The following WWP2 variants were observed in gnomAD, a reference collection of about 807,000 sequenced individuals.
The protein encoded by WWP2 is WW domain containing E3 ubiquitin protein ligase 2.
A neutral mutation model predicts 121.0 loss-of-function variants in WWP2; 57 were observed. The ratio of observed to expected loss-of-function variants is 0.47; its 90% CI spans 0.38 to 0.59. The LOEUF is 0.59. Ranked by LOEUF, WWP2 falls within the 20% of genes least tolerant of loss-of-function variation. WWP2 has a pLI of 0.00. For missense variants in WWP2, 962 were observed against 1,158.9 expected, an observed-to-expected ratio of 0.83 and a Z score of 2.47; for synonymous variants, 449 against 441.3, an observed-to-expected ratio of 1.02 and a Z score of -0.22.
chr16:69,932,251 C>G (rs1450911598), intron 16 of WWP2, among the ~76,000 whole-genome samples: 1 of 152,234 alleles, frequency 6.6e-6, no homozygotes, highest in Non-Finnish European at 1.5e-5. Context: ...ATCGCTTGAA[C>G]CTGGGAGGCA....
At chr16:69,936,574 T>C in intron 19 of WWP2, 122 bp downstream of exon 19, 1 of 1,402,846 alleles carries the variant, frequency 7.1e-7, no homozygotes, top group African/African-American at 1.4e-5. Context: ...GCATTTGCCT[T>C]GATGGTGGCT....
At chr16:69,923,098 C>G (rs1467169238) in intron 10 of WWP2, among the ~76,000 whole-genome samples, 2 of 152,084 alleles carry the variant, frequency 1.3e-5, no homozygotes, top group Admixed American at 1.3e-4. Context: ...CCATGTTGGC[C>G]AGGCTGGTCT....
chr16:69,925,289 A>G lies in WWP2; in HGVS notation c.1180-141A>G. 6 of 1,480,428 alleles carry G rather than the reference A, an allele frequency of 4.1e-6. No homozygotes were observed. Among genetic ancestry groups the G allele is most frequent in the Non-Finnish European group, 5.4e-6 (6 of 1,113,748 alleles). 91.7% of individuals were successfully genotyped at this position (1,480,428 alleles called of 1,614,324 possible). ...GAGACTTTTGAGAGGAGCAGATGCC[A>G]CCTAAAGTCCCACTGCATTCCCTGC... On this transcript the variant is annotated intron_variant, in intron 10 of 23. Coordinates refer to ENST00000359154, the MANE Select transcript of WWP2 (RefSeq NM_001270454.2). This position sits in a 1 kb window ranked among gnomAD's most constrained non-coding sequence, Gnocchi z 4.0.
Position 69,868,667 on chromosome 16 carries a change from A to G in WWP2, c.576-3137A>G, listed in dbSNP as rs1287002310. On this transcript the variant is annotated intron_variant, in intron 6 of 23. Transcript: ENST00000359154. The stretch of plus-strand genomic sequence containing the variant: ...CCTCAACACATACACATGTGCACAC[A>G]CACACACACACACACACACACACAC... 9.2e-3 allele frequency among the ~76,000 whole-genome samples: 327 copies of G among 35,478 alleles called. 2 individuals are homozygous for G. The highest frequency in any genetic ancestry group is 0.034 in the African/African-American group (316 of 9,402). 23.3% of individuals were successfully genotyped at this position (35,478 alleles called of 152,430 possible). A position where few individuals can be genotyped will look rare whatever the true frequency, so the allele number is the denominator to read the frequency against.
Position 69,869,758 on chromosome 16 carries a change from C to T in WWP2, c.576-2046C>T, listed in dbSNP as rs576941005. Among the ~76,000 whole-genome samples, 6 of 152,190 alleles carry T rather than the reference C, an allele frequency of 3.9e-5. No individual in the cohort carries two copies. The East Asian group carries it at 5.8e-4, about 15-fold the overall frequency. On this transcript the variant is annotated intron_variant, in intron 6 of 23. Transcript: ENST00000359154. Reference sequence around the variant, plus strand: ...TATTCCCAATATCCAAAGATAATGACGGTTAAGATTTTGGTTTATGTTCAT... The same window carrying T: ...TATTCCCAATATCCAAAGATAATGATGGTTAAGATTTTGGTTTATGTTCAT...
chr16:69,939,213 C>T (rs1252872162), intron 22 of WWP2, 90 bp downstream of exon 22: 8 of 1,557,964 alleles, frequency 5.1e-6, no homozygotes, highest in African/African-American at 1.4e-5. Flanking sequence ...GGAAGCACGT[C>T]AGTGGGATGG....
chr16:69,930,119 C>G lies in WWP2; in HGVS notation c.1317-11C>G. The G allele has an allele frequency of 6.2e-7, 1 of 1,613,780 alleles. No individual in the cohort carries two copies. ...GGCCAGCCCTTCACCCTTTTCTTCC[C>G]GTGTTTCCAGGATGATCCAGGAACC... On this transcript the variant is annotated splice_polypyrimidine_tract_variant and intron_variant, in intron 12 of 23. Transcript: ENST00000359154.
At chr16:69,838,864 C>G (rs1164448397) in intron 4 of WWP2, 1 of 985,152 alleles carries the variant, frequency 1.0e-6, no homozygotes, top group Non-Finnish European at 1.2e-6. Context: ...AGGTAGAGCG[C>G]TTAGGAGAGC....
At chr16:69,873,888 T>C (rs558330953) in intron 7 of WWP2, among the ~76,000 whole-genome samples, 31 of 152,256 alleles carry the variant, frequency 2.0e-4, no homozygotes, top group Non-Finnish European at 4.6e-4. Context: ...TGAGTCACTC[T>C]TGGACATTTC....
chr16:69,849,601 T>C (rs529998867), intron 6 of WWP2, among the ~76,000 whole-genome samples: 129 of 152,276 alleles, frequency 8.5e-4, no homozygotes, highest in Non-Finnish European at 1.7e-3. Context: ...TGGAATAGGA[T>C]TGAGACAGTG....
intron 6 of WWP2, among the ~76,000 whole-genome samples, chr16:69,854,421 A>G (rs1001983278): frequency 6.6e-6 from 1 of 152,176 alleles, no homozygotes; most frequent in Non-Finnish European, 1.5e-5. Flanking sequence ...TTAAAGTGCC[A>G]AGGTCTGTGG....
At chr16:69,792,216 G>A (rs548694313) in intron 2 of WWP2, among the ~76,000 whole-genome samples, 18 of 152,248 alleles carry the variant, frequency 1.2e-4, no homozygotes, top group Admixed American at 7.9e-4. Context: ...GCCCTTAAAC[G>A]TAGGACAGCT....
intron 8 of WWP2, among the ~76,000 whole-genome samples, chr16:69,908,041 G>A (rs1238909202): frequency 6.6e-6 from 1 of 152,130 alleles, no homozygotes; most frequent in African/African-American, 2.4e-5. Context: ...AGGGGTTCCA[G>A]ACCAGCCTGG....
intron 2 of WWP2, among the ~76,000 whole-genome samples, chr16:69,798,124 G>T (rs1357757414): frequency 6.6e-6 from 1 of 152,200 alleles, no homozygotes; most frequent in Admixed American, 6.5e-5. Context: ...ATATTCTCCT[G>T]TAGCACTGAT....
intron 5 of WWP2, among the ~76,000 whole-genome samples, chr16:69,841,131 C>G (rs922910011): frequency 3.3e-5 from 5 of 152,218 alleles, no homozygotes; most frequent in African/African-American, 4.8e-5. Context: ...AGGCCCTAGC[C>G]AGATGGCAGT....
At chr16:69,782,278 A>C (rs8045428) in intron 1 of WWP2, among the ~76,000 whole-genome samples, 19 of 152,198 alleles carry the variant, frequency 1.2e-4, no homozygotes, top group African/African-American at 4.6e-4. Context: ...GCGAGACTCC[A>C]TCTCAAACAA....
At chr16:69,843,950 C>G (rs145373247) in intron 6 of WWP2, among the ~76,000 whole-genome samples, 336 of 152,254 alleles carry the variant, frequency 2.2e-3, no homozygotes, top group Middle Eastern at 0.014. Flanking sequence ...AGCCAATACC[C>G]GCAGCATCTT....
chr16:69,804,155 T>C (rs1334523711), intron 4 of WWP2, among the ~76,000 whole-genome samples: 1 of 152,254 alleles, frequency 6.6e-6, no homozygotes, highest in African/African-American at 2.4e-5. Context: ...TCATTTGCAT[T>C]CTAACTTTGT....
chr16:69,884,627 T>TAAAAACA (rs1206792973), intron 7 of WWP2, among the ~76,000 whole-genome samples: 2 of 152,154 alleles, frequency 1.3e-5, no homozygotes, highest in Non-Finnish European at 2.9e-5. Context: ...GACCCTATCT[T>TAAAAACA]AAAAACAAAA....
Sources: allele counts gnomAD v4.1 joint callset (sites outside exome capture counted in the v4.1 genomes callset), GRCh38; gene constraint gnomAD v4.1.1; non-coding constraint Gnocchi (gnomAD v3.1); transcripts MANE v1.5; gene names NCBI Gene and HGNC (gene_info 2026-07-23, HGNC 2026-07-21).